The following IL1RAPL1 variants were observed in gnomAD, a reference collection of about 807,000 sequenced individuals.
IL1RAPL1 encodes the protein interleukin 1 receptor accessory protein like 1, also known as interleukin-1 receptor accessory protein-like 1.
A neutral mutation model predicts 48.4 loss-of-function variants in IL1RAPL1; 3 were observed. That is an observed-to-expected ratio of 0.06 (90% CI 0.03 to 0.16). The LOEUF (loss-of-function observed/expected upper bound fraction) is 0.16. Among genes scored for constraint, IL1RAPL1 ranks in the 10% least tolerant of loss-of-function variants. The pLI is 1.00. For synonymous variants in IL1RAPL1, 185 were observed against 187.7 expected, an observed-to-expected ratio of 0.99 and a Z score of 0.12; for missense variants, 349 against 530.6, an observed-to-expected ratio of 0.66 and a Z score of 3.36.
At chrX:28,870,972 G>A (rs1359170448) in intron 2 of IL1RAPL1, among the ~76,000 whole-genome samples, 2 of 111,771 alleles carry the variant, frequency 1.8e-5, no homozygotes, top group African/African-American at 6.5e-5. Context: ...ACAAATATTT[G>A]TGAAGCACCC....
chrX:28,662,980 C>G (rs1403855436), intron 1 of IL1RAPL1, among the ~76,000 whole-genome samples: 5 of 110,892 alleles, frequency 4.5e-5, no homozygotes, highest in African/African-American at 1.6e-4. Flanking sequence ...TCTTCAGGGT[C>G]TCAGTCTTTA....
At chrX:28,624,701 A>G (rs1291659704) in intron 1 of IL1RAPL1, among the ~76,000 whole-genome samples, 3 of 111,928 alleles carry the variant, frequency 2.7e-5, no homozygotes. Context: ...CTCGGAATCT[A>G]TAATCTGCAA....
intron 5 of IL1RAPL1, among the ~76,000 whole-genome samples, chrX:29,544,509 T>C (rs1921544172): frequency 8.9e-6 from 1 of 111,973 alleles, no homozygotes; most frequent in South Asian, 3.7e-4. Flanking sequence ...AAACCTGACA[T>C]TGAATTTCAG....
chrX:28,959,073 T>C (rs1392904235), intron 2 of IL1RAPL1, among the ~76,000 whole-genome samples: 1 of 111,293 alleles, frequency 9.0e-6, no homozygotes, highest in Admixed American at 9.6e-5. Context: ...TATAAAGAAA[T>C]GTAACATCAT....
chrX:29,339,354 G>T (rs2147644292), intron 3 of IL1RAPL1, among the ~76,000 whole-genome samples: 1 of 111,333 alleles, frequency 9.0e-6, no homozygotes. Flanking sequence ...ATTATGTAAA[G>T]AACCTAACCT....
rs187145558 is a variant in IL1RAPL1, at chrX:29,866,652, T to C, written c.779-50812T>C. On this transcript the variant is annotated intron_variant, in intron 6 of 10. Coordinates refer to ENST00000378993, the MANE Select transcript of IL1RAPL1 (RefSeq NM_014271.4). ...ATATTATCACTGATGTTGATGTATT[T>C]TCAGAAACACCTATCTCGTGTGCAT... Among the ~76,000 whole-genome samples, 796 of 106,599 alleles carry C rather than the reference T, an allele frequency of 7.5e-3. 5 individuals carry two copies. The highest frequency in any genetic ancestry group is 0.025 in the African/African-American group (737 of 29,214). 92.6% of individuals were successfully genotyped at this position (106,599 alleles called of 115,157 possible).
chrX:29,917,644 C>T (rs1932809360), intron 7 of IL1RAPL1, 48 bp downstream of exon 7: 1 of 1,057,532 alleles, frequency 9.5e-7, no homozygotes, highest in Non-Finnish European at 1.3e-6. Flanking sequence ...AACATTTACT[C>T]CATTAGTGAA....
chrX:29,503,685 T>A (rs1392031607), intron 5 of IL1RAPL1, among the ~76,000 whole-genome samples: 4 of 111,160 alleles, frequency 3.6e-5, no homozygotes, highest in African/African-American at 9.8e-5. Flanking sequence ...GGTTTCACTC[T>A]GTCACCCAAG....
In IL1RAPL1 at chrX:29,413,460, C is replaced by G. The variant is rs751012997; in HGVS notation, c.703+14152C>G. Among the ~76,000 whole-genome samples the G allele has an allele frequency of 4.6e-5, 5 of 108,724 alleles. No homozygotes were observed. The East Asian group carries it at 1.1e-3, about 25-fold the overall frequency. 94.4% of individuals were successfully genotyped at this position (108,724 alleles called of 115,157 possible). ...TGTTGGTGTGCTGCACCCATTAACT[C>G]GTCATTTAACATTAGGTATATCTCC... is the stretch of plus-strand genomic sequence containing the variant. On this transcript the variant is annotated intron_variant, in intron 5 of 10. Coordinates refer to ENST00000378993, the MANE Select transcript of IL1RAPL1 (RefSeq NM_014271.4).
intron 6 of IL1RAPL1, among the ~76,000 whole-genome samples, chrX:29,765,863 C>T (rs779209862): frequency 1.2e-4 from 13 of 110,373 alleles, no homozygotes; most frequent in East Asian, 2.8e-4. Flanking sequence ...GGTACACAAA[C>T]GCATATAGAG....
chrX:28,785,267 G>A (rs1161454301), intron 1 of IL1RAPL1, among the ~76,000 whole-genome samples: 1 of 111,654 alleles, frequency 9.0e-6, no homozygotes, highest in African/African-American at 3.3e-5. Context: ...TGGGACTACA[G>A]CATGTGCTAC....
At chrX:28,759,063 C>G (rs1412442319) in intron 1 of IL1RAPL1, among the ~76,000 whole-genome samples, 3 of 111,127 alleles carry the variant, frequency 2.7e-5, no homozygotes, top group Admixed American at 1.9e-4. Flanking sequence ...ATGGCAAAAC[C>G]CTATTTCTAC....
At chrX:29,954,236 A>C (rs367649276) in intron 9 of IL1RAPL1, among the ~76,000 whole-genome samples, 14 of 26,649 alleles carry the variant, frequency 5.3e-4, no homozygotes, top group African/African-American at 1.3e-3. Context: ...ACTGTGTCCC[A>C]AAAAAAAAAA....
rs1399840753 is a variant in IL1RAPL1 at position 29,187,422 on chromosome X, TA to T, written c.83-95511del. 3.6e-5 allele frequency among the ~76,000 whole-genome samples: 4 copies of T among 110,932 alleles called. No homozygotes were observed. In the Admixed American group the frequency reaches 3.8e-4, roughly 11 times the overall value. On this transcript the variant is annotated intron_variant, in intron 2 of 10. Transcript: ENST00000378993. ...CAAATGGCCTTATTACTCATGGCAA[TA>T]AAAACTCCCCAAACCCCAATTCTGA...
intron 5 of IL1RAPL1, among the ~76,000 whole-genome samples, chrX:29,494,697 G>A (rs759358612): frequency 8.9e-6 from 1 of 112,295 alleles, no homozygotes; most frequent in South Asian, 3.7e-4. Context: ...TCTCTTTAGT[G>A]AATTCCCTTT....
rs73205774 is a variant in IL1RAPL1, at chrX:28,682,667, G to A, written c.-25+94620G>A. Among the ~76,000 whole-genome samples, 228 of 110,415 alleles carry A rather than the reference G, an allele frequency of 2.1e-3. 1 individual carries two copies. The highest frequency in any genetic ancestry group is 0.019 in the Middle Eastern group (4 of 213). ...TGTAGCCTTCTTTCACAAGGCTGTG[G>A]GTATTGTCTGATAATATAATATTTT... On this transcript the variant is annotated intron_variant, in intron 1 of 10. Transcript: ENST00000378993.
chrX:29,668,348 G>T, intron 5 of IL1RAPL1, 82 bp from the exon 6 acceptor site: 1 of 875,793 alleles, frequency 1.1e-6, no homozygotes, highest in Non-Finnish European at 1.7e-6. Context: ...AAAAATATTT[G>T]GGAAAATAGA....
intron 6 of IL1RAPL1, among the ~76,000 whole-genome samples, chrX:29,825,558 G>A (rs781724919): frequency 1.8e-5 from 2 of 111,380 alleles, no homozygotes; most frequent in Admixed American, 9.6e-5. Context: ...GCTCAACAGC[G>A]GATGCTCTGG....
At chrX:29,783,189 C>T (rs1480037094) in intron 6 of IL1RAPL1, among the ~76,000 whole-genome samples, 2 of 110,466 alleles carry the variant, frequency 1.8e-5, no homozygotes, top group African/African-American at 6.6e-5. Flanking sequence ...CAGGCGTGAG[C>T]CACCGCGCCC....
Sources: allele counts gnomAD v4.1 joint callset (sites outside exome capture counted in the v4.1 genomes callset), GRCh38; gene constraint gnomAD v4.1.1; transcripts MANE v1.5; gene names NCBI Gene and HGNC (gene_info 2026-07-23, HGNC 2026-07-21).